PDXDC1: variants seen among roughly 807,000 people sequenced by gnomAD.
The protein encoded by PDXDC1 is pyridoxal dependent decarboxylase domain containing 1, also known as pyridoxal-dependent decarboxylase domain-containing protein 1.
Under a neutral mutation model 100.1 loss-of-function variants are expected in PDXDC1, and 42 were observed. That is an observed-to-expected ratio of 0.42 (90% CI 0.33 to 0.54). The LOEUF (loss-of-function observed/expected upper bound fraction) is 0.54, where lower values mean the gene tolerates loss of function less well. Ranked by LOEUF, PDXDC1 falls within the 20% of genes least tolerant of loss-of-function variation. The pLI is 0.10. For missense variants in PDXDC1, 636 were observed against 979.2 expected, an observed-to-expected ratio of 0.65 and a Z score of 4.68; for synonymous variants, 260 against 371.7, an observed-to-expected ratio of 0.70 and a Z score of 3.46.
chr16:15,071,664 A>G (rs1477050344), intron 16 of PDXDC1, among the ~76,000 whole-genome samples: 1 of 152,234 alleles, frequency 6.6e-6, no homozygotes. Flanking sequence ...GCTACTTGGG[A>G]GGCTGAGGCA....
downstream of PDXDC1, among the ~76,000 whole-genome samples, chr16:15,143,974 T>TG (rs1228012453): frequency 6.6e-6 from 1 of 152,112 alleles, no homozygotes; most frequent in Non-Finnish European, 1.5e-5. Flanking sequence ...GAAACTGGGC[T>TG]GGGGGGACCG....
Position 14,983,534 on chromosome 16 carries a change from C to CT in PDXDC1, c.21+8315dup, listed in dbSNP as rs1389600040. Among the ~76,000 whole-genome samples, 3 of 130,216 alleles carry CT rather than the reference C, an allele frequency of 2.3e-5. No homozygotes were observed. In the Admixed American group the frequency reaches 2.7e-4, roughly 12 times the overall value. 85.4% of individuals were successfully genotyped at this position (130,216 alleles called of 152,430 possible). ...GTTGCAGTGAGCCGAGATCATGCCA[C>CT]TGTACTCCAGCCTAGGCGACAGAGC... On this transcript the variant is annotated intron_variant, in intron 1 of 22. Transcript: ENST00000396410.
At chr16:15,094,479 T>C (rs2046280039) in intron 16 of PDXDC1, 2 of 561,608 alleles carry the variant, frequency 3.6e-6, no homozygotes, top group South Asian at 2.3e-5. Context: ...ACCGGCTCCA[T>C]CCAGCCCTGA....
rs372120453 is a variant in PDXDC1 at position 14,984,113 on chromosome 16, C to T, written c.21+8893C>T. Among the ~76,000 whole-genome samples, 15 of 152,246 alleles carry T rather than the reference C, an allele frequency of 9.9e-5. No homozygotes were observed. The East Asian group carries it at 2.5e-3, about 26-fold the overall frequency. On this transcript the variant is annotated intron_variant, in intron 1 of 22. Coordinates refer to ENST00000396410, the MANE Select transcript of PDXDC1 (RefSeq NM_015027.4). ...AGGAGGGTGAGGCTGCAGGGAGCCA[C>T]GATAGTGCCGCTGCACTTGGCCTGG...
chr16:15,006,940 C>T (rs2151410201), intron 6 of PDXDC1, among the ~76,000 whole-genome samples: 1 of 152,378 alleles, frequency 6.6e-6, no homozygotes, highest in South Asian at 2.1e-4. Flanking sequence ...TCATGGTATT[C>T]CTTCAAGTGA....
At chr16:15,047,855 C>T (rs1486109324) in intron 16 of PDXDC1, 6 of 1,609,972 alleles carry the variant, frequency 3.7e-6, no homozygotes, top group Non-Finnish European at 5.1e-6. Flanking sequence ...CTCATCATAC[C>T]TGTGTGCCTC....
At chr16:15,003,216 CTTTTTTT>C (rs1217823601) in intron 4 of PDXDC1, among the ~76,000 whole-genome samples, 1 of 134,348 alleles carries the variant, frequency 7.4e-6, no homozygotes, top group Non-Finnish European at 1.6e-5. Flanking sequence ...AGATTTAATT[CTTTTTTT>C]TTTTTTTTTT....
At chr16:15,135,949 G>C in intron 16 of PDXDC1, 4 of 1,577,478 alleles carry the variant, frequency 2.5e-6, no homozygotes, top group Non-Finnish European at 3.4e-6. Flanking sequence ...CGCCGGGCAG[G>C]GCCACACGCG....
At chr16:15,045,674 A>G (rs1016773360) in intron 16 of PDXDC1, 2 of 152,332 alleles carry the variant, frequency 1.3e-5, no homozygotes, top group Non-Finnish European at 1.5e-5. Flanking sequence ...TAGGAGTCAC[A>G]CTGCGCATTG....
At chr16:15,042,835 C>T (rs182691237), downstream of PDXDC1, among the ~76,000 whole-genome samples, 4 of 151,906 alleles carry the variant, frequency 2.6e-5, no homozygotes, top group East Asian at 3.9e-4. Context: ...TAGATTCAAG[C>T]GATTCTCCTG....
chr16:15,144,630 C>T, the PDXDC1 span, among the ~76,000 whole-genome samples: 1 of 152,238 alleles, frequency 6.6e-6, no homozygotes. Context: ...TCTGTCCTTA[C>T]AGATCCCTCC....
At chr16:15,137,411 C>T (rs1414806384) in intron 16 of PDXDC1, 18 of 1,485,116 alleles carry the variant, frequency 1.2e-5, no homozygotes, top group Middle Eastern at 2.3e-4. Flanking sequence ...GGCTGCGAGG[C>T]CCTGGCCGGT....
intron 16 of PDXDC1, chr16:15,104,430 C>A: frequency 1.3e-5 from 18 of 1,393,434 alleles, no homozygotes; most frequent in East Asian, 6.2e-5. Context: ...TTATCATCCG[C>A]TGAGGGTGGA....
At chr16:15,127,974 C>T (rs770202476) in intron 16 of PDXDC1, 2 of 1,574,372 alleles carry the variant, frequency 1.3e-6, no homozygotes, top group East Asian at 2.2e-5. Flanking sequence ...GGAGTGGGAA[C>T]ATGGAACGAG....
At chr16:15,077,971 A>C (rs755127944) in intron 16 of PDXDC1, among the ~76,000 whole-genome samples, 1 of 152,226 alleles carries the variant, frequency 6.6e-6, no homozygotes, top group Non-Finnish European at 1.5e-5. Context: ...ACATATCGTC[A>C]ATCAACTGAG....
At chr16:14,977,269 CTTTTTTTTTTTTTTT>C (rs5816116) in intron 1 of PDXDC1, among the ~76,000 whole-genome samples, 8 of 95,058 alleles carry the variant, frequency 8.4e-5, no homozygotes, top group South Asian at 4.3e-4. Flanking sequence ...ATGGGACTTA[CTTTTTTTTTTTTTTT>C]TTTTTTTTTT....
intron 16 of PDXDC1, among the ~76,000 whole-genome samples, chr16:15,078,804 AT>A (rs1156857713): frequency 6.2e-4 from 80 of 129,518 alleles, no homozygotes; most frequent in African/African-American, 2.0e-3. Flanking sequence ...TCCTCTTCGT[AT>A]TTTTTTCTTT....
chr16:15,017,911 C>T (rs2041913652), intron 11 of PDXDC1, among the ~76,000 whole-genome samples: 1 of 152,184 alleles, frequency 6.6e-6, no homozygotes, highest in Non-Finnish European at 1.5e-5. Flanking sequence ...TCTCTTGCCT[C>T]AGCCTCCCAA....
At position 15,124,489 on chromosome 16, in the gene PDXDC1, CAG is replaced by C. The variant is rs752354709; in HGVS notation, c.1400-14389_1400-14388del. 5.8e-3 allele frequency among the ~76,000 whole-genome samples: 867 copies of C among 150,402 alleles called. 7 individuals are homozygous for C. The highest frequency in any genetic ancestry group is 0.017 in the African/African-American group (718 of 41,048). On this transcript the variant is annotated intron_variant, in intron 16 of 16. Transcript: ENST00000535621. ...AGAAACAAGCAAAACAAAAACAAAA[CAG>C]GGGCTGGGGGTGGTGGCTCACGCCT...
Sources: allele counts gnomAD v4.1 joint callset (sites outside exome capture counted in the v4.1 genomes callset), GRCh38; gene constraint gnomAD v4.1.1; transcripts MANE v1.5; gene names NCBI Gene and HGNC (gene_info 2026-07-23, HGNC 2026-07-21).